THSD4: variants seen among roughly 807,000 people sequenced by gnomAD.
THSD4 encodes the protein thrombospondin type-1 domain-containing protein 4.
Under a neutral mutation model 119.0 loss-of-function variants are expected in THSD4, and 69 were observed. The ratio of observed to expected loss-of-function variants is 0.58; its 90% CI spans 0.48 to 0.71. The LOEUF (loss-of-function observed/expected upper bound fraction) is 0.71, where lower values mean the gene tolerates loss of function less well. Ranked by LOEUF, THSD4 falls within the 30% of genes least tolerant of loss-of-function variation. The pLI is 0.00. For missense variants in THSD4, 1,393 were observed against 1,391.1 expected (o/e 1.00, Z -0.02); for synonymous variants, 524 against 540.4 (o/e 0.97, Z 0.42).
At chr15:71,314,472 AATT>A (rs1349198844) in intron 6 of THSD4, among the ~76,000 whole-genome samples, 4 of 151,950 alleles carry the variant, frequency 2.6e-5, no homozygotes, top group Non-Finnish European at 4.4e-5. Context: ...ACGCGCAGCT[AATT>A]ATTGTATATT....
chr15:71,423,018 G>A (rs900325415), intron 7 of THSD4, among the ~76,000 whole-genome samples: 9 of 152,264 alleles, frequency 5.9e-5, no homozygotes, highest in Admixed American at 2.0e-4. Flanking sequence ...ATGTTCACTC[G>A]AGGACCAACT....
intron 8 of THSD4, among the ~76,000 whole-genome samples, chr15:71,688,896 A>G (rs979396226): frequency 1.3e-5 from 2 of 152,174 alleles, no homozygotes; most frequent in African/African-American, 4.8e-5. Context: ...TTCATTCCCC[A>G]CTATGACAGA....
chr15:71,591,042 A>T (rs2049791801), intron 7 of THSD4, among the ~76,000 whole-genome samples: 1 of 148,702 alleles, frequency 6.7e-6, no homozygotes, highest in African/African-American at 2.5e-5. Context: ...AAAAAAGTTG[A>T]AGAAAAAAAA....
chr15:71,535,908 G>A (rs1029228441), intron 7 of THSD4, among the ~76,000 whole-genome samples: 1 of 152,096 alleles, frequency 6.6e-6, no homozygotes, highest in Non-Finnish European at 1.5e-5. Context: ...GGTATCATTA[G>A]CAGCACCAGG....
intron 7 of THSD4, among the ~76,000 whole-genome samples, chr15:71,541,331 A>G (rs567093273): frequency 3.4e-4 from 52 of 152,352 alleles, no homozygotes; most frequent in African/African-American, 1.2e-3. Context: ...ACAATTTGGA[A>G]TAGCCGCATT....
chr15:71,728,655 T>C lies in THSD4; in HGVS notation c.1464T>C (p.Asn488=). The C allele has an allele frequency of 6.2e-7, 1 of 1,614,200 alleles. No individual in the cohort carries two copies. Among genetic ancestry groups the C allele is most frequent in the South Asian group, 1.1e-5 (1 of 91,082 alleles). Residue 488 remains asparagine, a synonymous_variant, in exon 9 of 18, where the codon AAT becomes AAC. Transcript: ENST00000261862. Reference sequence around the variant, plus strand: ...CCATGTTCACCTACAAGCGTCCAAATGAGATTTCGAGCACTGCCGGAGAGT... The same window carrying C: ...CCATGTTCACCTACAAGCGTCCAAACGAGATTTCGAGCACTGCCGGAGAGT... ...GGTMFTYKRP[N]EISSTAGESF...
At chr15:71,461,735 C>T (rs1348821365) in intron 7 of THSD4, among the ~76,000 whole-genome samples, 2 of 150,904 alleles carry the variant, frequency 1.3e-5, no homozygotes, top group Non-Finnish European at 2.9e-5. Context: ...CACTTTTGAT[C>T]ATAATTTCCA....
intron 3 of THSD4, among the ~76,000 whole-genome samples, chr15:71,189,626 C>T (rs1232763858): frequency 6.6e-6 from 1 of 151,502 alleles, no homozygotes; most frequent in Non-Finnish European, 1.5e-5. Context: ...GCCGAGATCG[C>T]GCCACTGCAC....
At chr15:71,249,628 A>G (rs1419919407) in intron 5 of THSD4, among the ~76,000 whole-genome samples, 1 of 152,204 alleles carries the variant, frequency 6.6e-6, no homozygotes, top group African/African-American at 2.4e-5. Flanking sequence ...ACACATTTAT[A>G]TACACAAGAA....
intron 7 of THSD4, among the ~76,000 whole-genome samples, chr15:71,530,080 T>C (rs539771203): frequency 1.2e-4 from 18 of 152,224 alleles, no homozygotes; most frequent in Admixed American, 3.9e-4. Flanking sequence ...CACTTTTTGC[T>C]TGTAGTTGCA....
chr15:71,757,592 G>A (rs537535093), intron 14 of THSD4, among the ~76,000 whole-genome samples: 7 of 152,340 alleles, frequency 4.6e-5, no homozygotes, highest in South Asian at 4.1e-4. Context: ...CACAATACCC[G>A]GCCAAGCTGA....
chr15:71,686,638 T>TC (rs935264369), intron 8 of THSD4, among the ~76,000 whole-genome samples: 1 of 151,448 alleles, frequency 6.6e-6, no homozygotes, highest in African/African-American at 2.4e-5. Context: ...AGAGGAGGAG[T>TC]CCCTAGACCC....
At chr15:71,573,637 A>T (rs1055743413) in intron 7 of THSD4, among the ~76,000 whole-genome samples, 1 of 152,220 alleles carries the variant, frequency 6.6e-6, no homozygotes, top group Non-Finnish European at 1.5e-5. Context: ...TCCACTGTAT[A>T]AATTAATTAC....
intron 8 of THSD4, among the ~76,000 whole-genome samples, chr15:71,720,872 G>A (rs1056395895): frequency 1.3e-5 from 2 of 152,214 alleles, no homozygotes; most frequent in African/African-American, 2.4e-5. Flanking sequence ...CAAAGCTTGC[G>A]ATTTGTTGCT....
At chr15:71,601,668 C>T (rs567758300) in intron 7 of THSD4, among the ~76,000 whole-genome samples, 13 of 152,306 alleles carry the variant, frequency 8.5e-5, no homozygotes, top group South Asian at 4.1e-4. Context: ...ATCACAAGGA[C>T]GTGGAAAAAA....
chr15:71,213,151 G>A (rs1355617450), intron 3 of THSD4, among the ~76,000 whole-genome samples: 1 of 152,184 alleles, frequency 6.6e-6, no homozygotes, highest in South Asian at 2.1e-4. Flanking sequence ...TTACTAAGGG[G>A]AGAATCCTTC....
intron 17 of THSD4, among the ~76,000 whole-genome samples, chr15:71,775,389 G>T (rs1303828283): frequency 6.6e-6 from 1 of 152,172 alleles, no homozygotes; most frequent in Non-Finnish European, 1.5e-5. Flanking sequence ...CAAAATCCAG[G>T]CAAGGTTTTT....
chr15:71,331,436 A>G (rs2045419785), intron 6 of THSD4, among the ~76,000 whole-genome samples: 1 of 152,222 alleles, frequency 6.6e-6, no homozygotes, highest in Non-Finnish European at 1.5e-5. Context: ...AGCTGGCTCC[A>G]GCCCAGAACA....
At chr15:71,139,264 C>T (rs1414282739) in intron 1 of THSD4, among the ~76,000 whole-genome samples, 1 of 152,128 alleles carries the variant, frequency 6.6e-6, no homozygotes, top group African/African-American at 2.4e-5. Context: ...CATCATTTTC[C>T]CCATGGTTCA....
Sources: allele counts gnomAD v4.1 joint callset (sites outside exome capture counted in the v4.1 genomes callset), GRCh38; gene constraint gnomAD v4.1.1; transcripts MANE v1.5; gene names NCBI Gene and HGNC (gene_info 2026-07-23, HGNC 2026-07-21).